Variants in DENND1A observed in about 807,000 individuals in gnomAD.
DENND1A encodes the protein DENN domain containing 1A.
In DENND1A, 51 loss-of-function variants were observed where a neutral mutation model predicts 113.7. That is an observed-to-expected ratio of 0.45 (90% confidence interval 0.36 to 0.57). The LOEUF is 0.57. Ranked by LOEUF, DENND1A falls within the 20% of genes least tolerant of loss-of-function variation. The probability of loss-of-function intolerance (pLI) is 0.00; values close to 1 mark genes in which losing one functional copy is unlikely to be tolerated. For synonymous variants in DENND1A, 565 were observed against 570.8 expected (o/e 0.99, Z 0.14); for missense variants, 1,258 against 1,395.9 (o/e 0.90, Z 1.57).
intron 2 of DENND1A, among the ~76,000 whole-genome samples, chr9:123,856,953 G>A (rs987803860): frequency 7.2e-5 from 11 of 151,868 alleles, no homozygotes; most frequent in African/African-American, 2.7e-4. Flanking sequence ...TGAATGAATC[G>A]GTGGTATTGG....
chr9:123,595,182 G>A (rs911281000), intron 11 of DENND1A, among the ~76,000 whole-genome samples: 2 of 152,192 alleles, frequency 1.3e-5, no homozygotes, highest in Non-Finnish European at 2.9e-5. Context: ...AGAAACAGAA[G>A]CTTGGCAGAG....
chr9:123,386,790 A>G (rs1442814397), intron 22 of DENND1A, among the ~76,000 whole-genome samples: 3 of 152,164 alleles, frequency 2.0e-5, no homozygotes, highest in African/African-American at 7.2e-5. Context: ...TGTGGGGTCA[A>G]TGACAGAGGG....
Position 123,557,609 on chromosome 9 carries a change from A to G in DENND1A, c.954T>C (p.Ala318=). 1 of 1,614,134 alleles carries G rather than the reference A, an allele frequency of 6.2e-7. No homozygotes were observed. Among genetic ancestry groups the G allele is most frequent in the Non-Finnish European group, 8.5e-7 (1 of 1,179,988 alleles). ...VARAFLKAQA[A]FFGSYRNALK... ...GAGCGTTTCGGTAGCTACCGAAGAA[A>G]GCAGCCTGGGCCTTGAGGAACGCTC... Residue 318 remains alanine, a synonymous_variant, in exon 13 of 24, where the codon GCT becomes GCC. Transcript: ENST00000394215.
intron 12 of DENND1A, among the ~76,000 whole-genome samples, chr9:123,562,015 T>C (rs1318493495): frequency 6.6e-6 from 1 of 152,196 alleles, no homozygotes; most frequent in Non-Finnish European, 1.5e-5. Context: ...GTTTCCTCAG[T>C]GGGCCTTCTT....
At position 123,409,036 on chromosome 9, in the gene DENND1A, AAGGCAGGACTTATCATC is replaced by A. The variant is rs1238357433; in HGVS notation, c.1542+2723_1542+2739del. ...AGTGGAGAGAGGCAAGCTGGGCTCA[AAGGCAGGACTTATCATC>A]AGGCCTGTCATCATCCCTGTGGTGT... On this transcript the variant is annotated intron_variant, in intron 20 of 23. Transcript: ENST00000394215. Among the ~76,000 whole-genome samples the A allele has an allele frequency of 6.6e-5, 10 of 152,312 alleles. No homozygotes were observed. The South Asian group carries it at 2.1e-3, about 32-fold the overall frequency.
intron 13 of DENND1A, among the ~76,000 whole-genome samples, chr9:123,519,966 C>G (rs563293269): frequency 2.0e-5 from 3 of 151,996 alleles, no homozygotes; most frequent in African/African-American, 4.8e-5. Flanking sequence ...TTGAAACCAG[C>G]CTGGGTGACA....
In DENND1A at chr9:123,413,608, G is replaced by A. The variant is rs936989964; in HGVS notation, c.1489-1779C>T. On this transcript the variant is annotated intron_variant, in intron 19 of 23. Transcript: ENST00000394215. ...GGAAAGCGGGTCCAGGGACTTGGTG[G>A]AGGGTTCCCTGGCGGCACATGGAGA... 5.1e-6 allele frequency: 5 copies of A among 985,564 alleles called. No individual in the cohort carries two copies. In the Admixed American group the frequency reaches 3.1e-4, roughly 60 times the overall value. The allele number at this position is 985,564 out of a possible 1,614,324, so 61.1% of individuals were successfully genotyped here.
At chr9:123,479,740 C>T (rs57067576) in intron 13 of DENND1A, among the ~76,000 whole-genome samples, 15,033 of 152,284 alleles carry the variant, frequency 0.099, 799 homozygotes, top group African/African-American at 0.11. Flanking sequence ...CCCTGCAGGA[C>T]CCCAAACGCC....
chr9:123,385,082 G>A (rs1009681605), intron 22 of DENND1A, among the ~76,000 whole-genome samples: 4 of 152,250 alleles, frequency 2.6e-5, no homozygotes, highest in African/African-American at 7.2e-5. Context: ...GAGTCCCAGG[G>A]CACCACTGGG....
chr9:123,480,514 A>G (rs764838041), intron 13 of DENND1A, among the ~76,000 whole-genome samples: 1 of 152,140 alleles, frequency 6.6e-6, no homozygotes, highest in Non-Finnish European at 1.5e-5. Context: ...TTAGAATAGA[A>G]TGCCTCTTCC....
intron 17 of DENND1A, 112 bp from the exon 18 acceptor site, chr9:123,450,861 A>C: frequency 1.2e-6 from 1 of 801,568 alleles, no homozygotes; most frequent in Non-Finnish European, 1.9e-6. Context: ...AAAGGAAGGA[A>C]AAATGGGATC....
chr9:123,538,809 CATATATATATATATATATATAT>C (rs35223887), intron 13 of DENND1A, among the ~76,000 whole-genome samples: 41 of 22,470 alleles, frequency 1.8e-3, no homozygotes, highest in South Asian at 3.9e-3. Flanking sequence ...ACAACTCATA[CATATATATATATATATATATAT>C]ATATATATAT....
At chr9:123,877,923 T>A (rs1261741813) in intron 2 of DENND1A, among the ~76,000 whole-genome samples, 1 of 152,198 alleles carries the variant, frequency 6.6e-6, no homozygotes, top group East Asian at 1.9e-4. Context: ...AAATAGGAAG[T>A]AGTATAAATG....
At chr9:123,761,598 G>A (rs985076771) in intron 4 of DENND1A, among the ~76,000 whole-genome samples, 2 of 152,144 alleles carry the variant, frequency 1.3e-5, no homozygotes, top group African/African-American at 2.4e-5. Context: ...TCTTTTTGGG[G>A]TGCCACAGCT....
At chr9:123,706,338 G>A (rs1392160613) in intron 5 of DENND1A, among the ~76,000 whole-genome samples, 1 of 151,652 alleles carries the variant, frequency 6.6e-6, no homozygotes, top group Non-Finnish European at 1.5e-5. Context: ...TTTTAGTAGA[G>A]ACGAGGTTTC....
chr9:123,442,937 T>C (rs1021320968), intron 18 of DENND1A, among the ~76,000 whole-genome samples: 5 of 152,120 alleles, frequency 3.3e-5, no homozygotes, highest in Admixed American at 6.6e-5. Context: ...ACTGTGCAAA[T>C]TGAACCTCAA....
chr9:123,424,833 G>C (rs1424836326), intron 19 of DENND1A, among the ~76,000 whole-genome samples: 3 of 152,222 alleles, frequency 2.0e-5, no homozygotes, highest in Non-Finnish European at 4.4e-5. Flanking sequence ...TTTGTGAAGG[G>C]GCTTGGCTGA....
At chr9:123,694,335 G>C (rs1334381183) in intron 5 of DENND1A, among the ~76,000 whole-genome samples, 1 of 152,134 alleles carries the variant, frequency 6.6e-6, no homozygotes, top group African/African-American at 2.4e-5. Context: ...GAAAAGAAAA[G>C]GTAAAACCCA....
At chr9:123,667,752 T>A (rs1276773147) in intron 7 of DENND1A, among the ~76,000 whole-genome samples, 1 of 152,224 alleles carries the variant, frequency 6.6e-6, no homozygotes, top group Non-Finnish European at 1.5e-5. Context: ...CAGTGATTAT[T>A]TTTACCAACC....
Sources: allele counts gnomAD v4.1 joint callset (sites outside exome capture counted in the v4.1 genomes callset), GRCh38; gene constraint gnomAD v4.1.1; transcripts MANE v1.5; gene names NCBI Gene and HGNC (gene_info 2026-07-23, HGNC 2026-07-21).